Variants in NR2F1-AS1 observed in about 807,000 individuals in gnomAD.
NR2F1-AS1 encodes the protein NR2F1 antisense RNA 1.
chr5:93,490,533 T>C (rs536175137), intron 4 of NR2F1-AS1, among the ~76,000 whole-genome samples: 2 of 149,984 alleles, frequency 1.3e-5, no homozygotes, highest in South Asian at 4.3e-4. Context: ...ATTGTGGTTA[T>C]GGTGGCAGTG....
chr5:93,478,608 T>C (rs1356149067), intron 4 of NR2F1-AS1, among the ~76,000 whole-genome samples: 2 of 152,104 alleles, frequency 1.3e-5, no homozygotes, highest in African/African-American at 2.4e-5. Context: ...TTCACCATGT[T>C]GGTCAGGCTG....
chr5:93,551,058 T>C (rs574962364), intron 4 of NR2F1-AS1, among the ~76,000 whole-genome samples: 6 of 152,092 alleles, frequency 3.9e-5, no homozygotes, highest in Non-Finnish European at 8.8e-5. Flanking sequence ...ATCACACATA[T>C]TTACTTAGAA....
intron 1 of NR2F1-AS1, among the ~76,000 whole-genome samples, chr5:93,569,164 G>A (rs1214082974): frequency 6.6e-6 from 1 of 152,144 alleles, no homozygotes; most frequent in Non-Finnish European, 1.5e-5. Context: ...CAACGAGCCT[G>A]TCAGCGATTT....
chr5:93,464,428 A>C (rs770930824), intron 4 of NR2F1-AS1, among the ~76,000 whole-genome samples: 6 of 152,194 alleles, frequency 3.9e-5, no homozygotes, highest in Non-Finnish European at 7.3e-5. Flanking sequence ...AAATTAGAAA[A>C]TGTGTTTTAA....
intron 4 of NR2F1-AS1, among the ~76,000 whole-genome samples, chr5:93,434,986 T>C (rs1029862674): frequency 6.6e-6 from 1 of 152,246 alleles, no homozygotes; most frequent in African/African-American, 2.4e-5. Context: ...GGTATCTACC[T>C]GGTTACTCCA....
At chr5:93,505,440 T>C (rs1437700176) in intron 4 of NR2F1-AS1, among the ~76,000 whole-genome samples, 1 of 152,192 alleles carries the variant, frequency 6.6e-6, no homozygotes, top group East Asian at 1.9e-4. Flanking sequence ...AGGAACTCTC[T>C]GTAGGGACTC....
At chr5:93,429,834 A>C (rs996223045) in intron 4 of NR2F1-AS1, among the ~76,000 whole-genome samples, 1 of 152,218 alleles carries the variant, frequency 6.6e-6, no homozygotes, top group Admixed American at 6.5e-5. Flanking sequence ...TAGACAAACC[A>C]ACAGAATGTC....
intron 4 of NR2F1-AS1, among the ~76,000 whole-genome samples, chr5:93,523,276 C>T (rs1481639412): frequency 3.3e-5 from 5 of 152,190 alleles, no homozygotes; most frequent in African/African-American, 1.2e-4. Flanking sequence ...AGCAAAGCCA[C>T]TGCAGCCAGA....
intron 1 of NR2F1-AS1, among the ~76,000 whole-genome samples, chr5:93,576,184 C>T (rs1404917538): frequency 1.3e-5 from 2 of 152,200 alleles, no homozygotes; most frequent in East Asian, 3.9e-4. Flanking sequence ...GATCAACTAA[C>T]ACAAAAGCCC....
chr5:93,415,261 G>T (rs1399181238), intron 4 of NR2F1-AS1, among the ~76,000 whole-genome samples: 1 of 152,086 alleles, frequency 6.6e-6, no homozygotes, highest in Non-Finnish European at 1.5e-5. Flanking sequence ...TACTTCACAG[G>T]GTTGTTGTCA....
chr5:93,478,239 G>A (rs1026030694), intron 4 of NR2F1-AS1, among the ~76,000 whole-genome samples: 2 of 152,146 alleles, frequency 1.3e-5, no homozygotes, highest in Non-Finnish European at 2.9e-5. Flanking sequence ...AGAAAAGACT[G>A]TTCCACAGAC....
intron 4 of NR2F1-AS1, among the ~76,000 whole-genome samples, chr5:93,444,608 T>C (rs1382679504): frequency 6.6e-6 from 1 of 152,180 alleles, no homozygotes; most frequent in Non-Finnish European, 1.5e-5. Flanking sequence ...ATGGGAGACT[T>C]TAACATCTCA....
chr5:93,429,245 C>T (rs2149845930), intron 4 of NR2F1-AS1, among the ~76,000 whole-genome samples: 1 of 152,128 alleles, frequency 6.6e-6, no homozygotes. Flanking sequence ...ACAGATACAG[C>T]AATTATAATA....
chr5:93,450,736 C>T (rs985582618), intron 4 of NR2F1-AS1, among the ~76,000 whole-genome samples: 12 of 151,526 alleles, frequency 7.9e-5, no homozygotes, highest in Admixed American at 1.3e-4. Flanking sequence ...TACAAGGTTT[C>T]TCAGAACTTG....
chr5:93,483,056 T>C (rs918487971), intron 4 of NR2F1-AS1, among the ~76,000 whole-genome samples: 2 of 152,218 alleles, frequency 1.3e-5, no homozygotes, highest in Non-Finnish European at 2.9e-5. Flanking sequence ...CTGCTGGCTC[T>C]GAAGAGAGCA....
intron 4 of NR2F1-AS1, among the ~76,000 whole-genome samples, chr5:93,537,325 C>T (rs1471018462): frequency 6.6e-6 from 1 of 152,038 alleles, no homozygotes; most frequent in Non-Finnish European, 1.5e-5. Context: ...AACTAAGATG[C>T]TTTTACACAG....
At chr5:93,462,477 G>T (rs1750117557) in intron 4 of NR2F1-AS1, among the ~76,000 whole-genome samples, 1 of 152,244 alleles carries the variant, frequency 6.6e-6, no homozygotes, top group East Asian at 1.9e-4. Context: ...CATGAAAATA[G>T]AATAATATAG....
chr5:93,551,462 A>T (rs962794871), intron 4 of NR2F1-AS1, among the ~76,000 whole-genome samples: 5 of 152,150 alleles, frequency 3.3e-5, no homozygotes, highest in Non-Finnish European at 7.4e-5. Flanking sequence ...CTGACATATT[A>T]CTAAAGGGGT....
chr5:93,417,515 CAATT>C (rs1748993470), intron 4 of NR2F1-AS1, among the ~76,000 whole-genome samples: 1 of 152,182 alleles, frequency 6.6e-6, no homozygotes, highest in Admixed American at 6.5e-5. Context: ...GCTCATTCAT[CAATT>C]AAAGAAAATT....
Sources: gnomAD v4.1 joint callset for allele counts (sites outside exome capture counted in the v4.1 genomes callset) on GRCh38, gnomAD v4.1.1 for gene constraint, MANE v1.5 for transcripts, NCBI Gene and HGNC (gene_info 2026-07-23, HGNC 2026-07-21) for gene names.